Variants in P3H3 observed in about 807,000 individuals in gnomAD.
The protein encoded by P3H3 is prolyl 3-hydroxylase 3.
P3H3 carries 64 observed loss-of-function variants against 78.1 expected under a neutral mutation model. That is an observed-to-expected ratio of 0.82 (90% CI 0.67 to 1.01). The LOEUF (loss-of-function observed/expected upper bound fraction) is 1.01, where lower values mean the gene tolerates loss of function less well. Among genes scored for constraint, P3H3 ranks in the 50% least tolerant of loss-of-function variants. The probability of loss-of-function intolerance (pLI) is 0.00; values close to 1 mark genes in which losing one functional copy is unlikely to be tolerated. For missense variants in P3H3, 975 were observed against 982.2 expected, an observed-to-expected ratio of 0.99 and a Z score of 0.10; for synonymous variants, 425 against 416.7, an observed-to-expected ratio of 1.02 and a Z score of -0.24.
Position 6,829,850 on chromosome 12 carries a change from C to T in P3H3, c.499-9C>T. ...GGGCTCTGATGCCCTCCTCCCTTCG[C>T]CTCCTCAGTTGAAGAAGCTGGATCT... On this transcript the variant is annotated splice_polypyrimidine_tract_variant and intron_variant, in intron 1 of 14. Transcript: ENST00000290510. The surrounding 1 kb of genome is among the most constrained non-coding windows in gnomAD (Gnocchi z 5.1). The T allele has an allele frequency of 6.2e-7, 1 of 1,613,906 alleles. No individual in the cohort carries two copies.
intron 9 of P3H3, among the ~76,000 whole-genome samples, chr12:6,836,245 A>AAC (rs1441347631): frequency 2.0e-5 from 3 of 151,160 alleles, no homozygotes; most frequent in Admixed American, 6.6e-5. Context: ...GAAAAAAAAA[A>AAC]AAAACCCCAG....
rs371912698 is a variant in P3H3, at chr12:6,829,998, C to T, written c.638C>T (p.Thr213Met). The T allele has an allele frequency of 1.4e-5, 22 of 1,613,744 alleles. No individual in the cohort carries two copies. The highest frequency in any genetic ancestry group is 1.2e-4 in the Admixed American group (7 of 60,002). ...VRPQSFRDLE[T>M]PPHWAAYDTG... ...CCCCAGAGCTTCCGGGACCTGGAGA[C>T]GCCCCCACACTGGGTGAGAATCCCA... Residue 213 changes from threonine (T) to methionine (M), a missense_variant, in exon 2 of 15, where the codon ACG becomes ATG. By Grantham distance (81) the Thr-to-Met change is moderately conservative (BLOSUM62 -1). Transcript: ENST00000290510. The surrounding 1 kb of genome is among the most constrained non-coding windows in gnomAD (Gnocchi z 5.1).
intron 9 of P3H3, 136 bp downstream of exon 9, chr12:6,834,185 G>T: frequency 7.5e-7 from 1 of 1,338,252 alleles, no homozygotes; most frequent in South Asian, 1.4e-5. Flanking sequence ...CTGCCTCTCA[G>T]CTGTGGATAA....
chr12:6,828,875 C>A lies in P3H3; in HGVS notation c.435C>A (p.Ser145Arg). The change falls in exon 1 of 15, where the codon AGC (serine) becomes AGA (arginine). Residue 145 changes from serine to arginine, a missense_variant. Coordinates refer to ENST00000290510, the MANE Select transcript of P3H3 (RefSeq NM_014262.5). ...GCGCGGCGCGGCTTCGCGTGGGGAG[C>A]GCGCTCCGGGACGCCTTCCGCCGTC... ...PGGAARLRVG[S>R]ALRDAFRRRE... 1 of 1,246,996 alleles carries A rather than the reference C, an allele frequency of 8.0e-7. No homozygotes were observed. The highest frequency in any genetic ancestry group is 3.3e-5 in the South Asian group (1 of 29,922). The allele number at this position is 1,246,996 out of a possible 1,614,324, so 77.2% of individuals were successfully genotyped here.
rs782725460 is a variant in P3H3 at position 6,839,016 on chromosome 12, G to A, written c.1922G>A (p.Arg641His). Residue 641 changes from arginine (R) to histidine (H), a missense_variant, in exon 14 of 15, where the codon CGC becomes CAC. Physicochemically the swap from Arg to His is conservative, Grantham distance 29. Transcript: ENST00000290510. ...ALTVTARVRPRCGRLVAFSSG... is the reference protein window; with the variant it reads ...ALTVTARVRPHCGRLVAFSSG... The stretch of plus-strand genomic sequence containing the variant: ...TCCCTCCAGGCTCGGGTGCGTCCTC[G>A]CTGTGGGCGCCTTGTGGCCTTCAGC... 29 of 1,603,934 alleles carry A rather than the reference G, an allele frequency of 1.8e-5. No individual in the cohort carries two copies. Among genetic ancestry groups the A allele is most frequent in the East Asian group, 8.9e-5 (4 of 44,828 alleles).
chr12:6,836,855 G>A (rs1435518759), intron 9 of P3H3, 130 bp from the exon 10 acceptor site: 4 of 650,908 alleles, frequency 6.1e-6, no homozygotes, highest in African/African-American at 3.6e-5. Flanking sequence ...TCAGGAAGAC[G>A]AGCCACAACA....
chr12:6,828,418 C>A lies in P3H3; in HGVS notation c.-23C>A. 2 of 505,674 alleles carry A rather than the reference C, an allele frequency of 4.0e-6. No individual in the cohort carries two copies. Among genetic ancestry groups the A allele is most frequent in the South Asian group, 5.2e-5 (2 of 38,530 alleles). 31.3% of individuals were successfully genotyped at this position (505,674 alleles called of 1,614,324 possible). ...CCCTCTCGGCTCCCGCATTTCCCCT[C>A]GGCTGCCGGCGGCTCCGACATCATG... On this transcript the variant is annotated 5_prime_UTR_variant, in exon 1 of 15. Coordinates refer to ENST00000290510, the MANE Select transcript of P3H3 (RefSeq NM_014262.5).
chr12:6,831,744 G>T lies in P3H3; in HGVS notation c.1123-81G>T. ...CATGGTGCCAGGTTCAAGGAGCATG[G>T]AGCACCCAGGCAGTGCCCTAGAGCC... On this transcript the variant is annotated intron_variant, in intron 5 of 14. Transcript: ENST00000290510. This position sits in a 1 kb window ranked among gnomAD's most constrained non-coding sequence, Gnocchi z 4.6. 1.2e-6 allele frequency: 1 copy of T among 859,504 alleles called. No individual in the cohort carries two copies. The highest frequency in any genetic ancestry group is 1.4e-5 in the South Asian group (1 of 70,004). 53.2% of individuals were successfully genotyped at this position (859,504 alleles called of 1,614,324 possible). A position where few individuals can be genotyped will look rare whatever the true frequency, so the allele number is the denominator to read the frequency against.
intron 9 of P3H3, chr12:6,834,759 A>T (rs915769956): frequency 2.6e-5 from 4 of 152,040 alleles, no homozygotes; most frequent in African/African-American, 9.7e-5. Flanking sequence ...AACATGGAGA[A>T]ACCCTGTCTC....
rs782427964 is a variant in P3H3, at chr12:6,831,846, C to A, written c.1144C>A (p.Arg382=). 91 of 1,607,412 alleles carry A rather than the reference C, an allele frequency of 5.7e-5. 1 individual carries two copies. In the South Asian group the frequency reaches 1.0e-3, roughly 18 times the overall value. ...PREDIQRFIL[R]SLGEKRQLYY... is the part of the protein sequence containing the mutation. ...TCAGGACATCCAGCGCTTCATCCTC[C>A]GATCCCTGGGGGAGAAGAGGCAGCT... The change falls in exon 6 of 15, where the codon CGA becomes AGA. Residue 382 remains arginine, a synonymous_variant. Coordinates refer to ENST00000290510, the MANE Select transcript of P3H3 (RefSeq NM_014262.5). The surrounding 1 kb of genome is among the most constrained non-coding windows in gnomAD (Gnocchi z 4.6).
At position 6,828,434 on chromosome 12, in the gene P3H3, C is replaced by A. The variant is rs1480573758; in HGVS notation, c.-7C>A. ...ATTTCCCCTCGGCTGCCGGCGGCTC[C>A]GACATCATGCTCCGGCTCCTCCGGC... On this transcript the variant is annotated 5_prime_UTR_variant, in exon 1 of 15. Transcript: ENST00000290510. 2 of 740,474 alleles carry A rather than the reference C, an allele frequency of 2.7e-6. No individual in the cohort carries two copies. Among genetic ancestry groups the A allele is most frequent in the Admixed American group, 2.8e-5 (1 of 35,520 alleles). 45.9% of individuals were successfully genotyped at this position (740,474 alleles called of 1,614,324 possible).
rs1422070797 is a variant in P3H3, at chr12:6,833,769, C to A, written c.1293C>A (p.Asp431Glu). Residue 431 changes from aspartate (D) to glutamate (E), a missense_variant, in exon 8 of 15, where the codon GAC becomes GAA. Coordinates refer to ENST00000290510, the MANE Select transcript of P3H3 (RefSeq NM_014262.5). Reference sequence around the variant, plus strand: ...AGGATCAAGAGAAGAGGCCTTGGGACCATGAGCCCGTGAAGCCAAAGCCCT... The same window carrying A: ...AGGATCAAGAGAAGAGGCCTTGGGAACATGAGCCCGTGAAGCCAAAGCCCT... ...LREDQEKRPW[D>E]HEPVKPKPLT... 2 of 1,611,108 alleles carry A rather than the reference C, an allele frequency of 1.2e-6. No homozygotes were observed. Among genetic ancestry groups the A allele is most frequent in the Non-Finnish European group, 1.7e-6 (2 of 1,177,464 alleles).
At chr12:6,837,376 C>T in intron 10 of P3H3, 47 bp from the exon 11 acceptor site, 1 of 1,577,054 alleles carries the variant, frequency 6.3e-7, no homozygotes. Context: ...CGAGACCACC[C>T]TCCCCTTGCC....
chr12:6,835,041 T>A (rs1943482951), intron 9 of P3H3: 1 of 151,880 alleles, frequency 6.6e-6, no homozygotes, highest in Non-Finnish European at 1.5e-5. Context: ...GATGAGTTAG[T>A]CAGGCGATTG....
Position 6,831,905 on chromosome 12 carries a change from C to T in P3H3, c.1203C>T (p.Phe401=). ...CCATGGAGCACCTGGGGACCAGCTT[C>T]AAGGATCCTGTGAGTCACTCCACTT... ...YYAMEHLGTS[F]KDPDPWTPAA... is the part of the protein sequence containing the mutation. The change falls in exon 6 of 15, where the codon TTC becomes TTT. Residue 401 remains phenylalanine (F), a synonymous_variant. Coordinates refer to ENST00000290510, the MANE Select transcript of P3H3 (RefSeq NM_014262.5). The surrounding 1 kb of genome is among the most constrained non-coding windows in gnomAD (Gnocchi z 4.6). The T allele has an allele frequency of 3.8e-6, 6 of 1,594,648 alleles. No homozygotes were observed. Among genetic ancestry groups the T allele is most frequent in the Non-Finnish European group, 3.4e-6 (4 of 1,165,164 alleles).
At chr12:6,832,008 G>A in intron 6 of P3H3, 94 bp downstream of exon 6, 1 of 730,172 alleles carries the variant, frequency 1.4e-6, no homozygotes, top group Non-Finnish European at 2.4e-6. Flanking sequence ...TTTCCACCAT[G>A]AGGCTTGGAG....
At position 6,828,953 on chromosome 12, in the gene P3H3, G is replaced by A. The variant is rs1372281645; in HGVS notation, c.498+15G>A. On this transcript the variant is annotated intron_variant, in intron 1 of 14. Coordinates refer to ENST00000290510, the MANE Select transcript of P3H3 (RefSeq NM_014262.5). ...CCTATTACCAGGTGGGGAGCGGGCC[G>A]GGCAGCTCCGAGGGTCCCAGCCCTC... 2 of 1,216,982 alleles carry A rather than the reference G, an allele frequency of 1.6e-6. No homozygotes were observed. The highest frequency in any genetic ancestry group is 2.1e-6 in the Non-Finnish European group (2 of 971,816). 75.4% of individuals were successfully genotyped at this position (1,216,982 alleles called of 1,614,324 possible).
At chr12:6,837,309 G>A (rs1408403498) in intron 10 of P3H3, 114 bp from the exon 11 acceptor site, 105 of 1,408,076 alleles carry the variant, frequency 7.5e-5, no homozygotes, top group Non-Finnish European at 9.8e-5. Flanking sequence ...AGAGCTGGAT[G>A]CTGACAGACT....
intron 4 of P3H3, 134 bp downstream of exon 4, chr12:6,830,904 C>A: frequency 7.5e-7 from 1 of 1,326,162 alleles, no homozygotes; most frequent in Non-Finnish European, 1.1e-6. Context: ...ACCATCACTT[C>A]ACAAGGACTC....
Sources: gnomAD v4.1 joint callset for allele counts (sites outside exome capture counted in the v4.1 genomes callset) on GRCh38, gnomAD v4.1.1 for gene constraint, Gnocchi (gnomAD v3.1) non-coding constraint, MANE v1.5 for transcripts, NCBI Gene and HGNC (gene_info 2026-07-23, HGNC 2026-07-21) for gene names.